Variants in EDAR observed in about 807,000 individuals in gnomAD.
EDAR encodes tumor necrosis factor receptor superfamily member EDAR.
EDAR carries 38 observed loss-of-function variants against 51.3 expected under a neutral mutation model. That is an observed-to-expected ratio of 0.74 (90% CI 0.57 to 0.97). The LOEUF (loss-of-function observed/expected upper bound fraction) is 0.97, where lower values mean the gene tolerates loss of function less well. EDAR is among the 50% of genes least tolerant of loss of function. The pLI is 0.00. For missense variants in EDAR, 528 were observed against 595.0 expected (o/e 0.89, Z 1.17); for synonymous variants, 227 against 242.1 (o/e 0.94, Z 0.58).
chr2:108,897,234 A>C lies in EDAR; in HGVS notation c.1025-5T>G, dbSNP rs1204357429. 6.2e-7 allele frequency: 1 copy of C among 1,613,330 alleles called. No individual in the cohort carries two copies. Among genetic ancestry groups the C allele is most frequent in the Admixed American group, 1.7e-5 (1 of 60,030 alleles). On this transcript the variant is annotated splice_region_variant and splice_polypyrimidine_tract_variant and intron_variant, in intron 11 of 11. Transcript: ENST00000258443. ...GCAGCTCCGTGGGGCTAAGACCTAC[A>C]GACACCAATGGCCACAGTTAGATGT...
chr2:108,901,503 A>G (rs764804800), intron 11 of EDAR, among the ~76,000 whole-genome samples: 2 of 152,232 alleles, frequency 1.3e-5, no homozygotes, highest in Non-Finnish European at 2.9e-5. Context: ...ATTGAAAACT[A>G]TAAAGTAAAA....
chr2:108,908,343 G>C (rs1051347064), intron 9 of EDAR, among the ~76,000 whole-genome samples: 28 of 152,202 alleles, frequency 1.8e-4, no homozygotes, highest in African/African-American at 6.5e-4. Flanking sequence ...TGGATGCTCC[G>C]TGAAGGTTCA....
intron 1 of EDAR, among the ~76,000 whole-genome samples, chr2:108,937,447 ATGTG>A (rs1697495940): frequency 6.6e-6 from 1 of 151,912 alleles, no homozygotes; most frequent in Admixed American, 6.6e-5. Context: ...ATATGTGAGG[ATGTG>A]TGTATGCATG....
chr2:108,911,122 G>GA, intron 6 of EDAR, 50 bp from the exon 7 acceptor site: 2 of 1,612,398 alleles, frequency 1.2e-6, no homozygotes, highest in Non-Finnish European at 1.7e-6. Flanking sequence ...GATCCCTGCT[G>GA]GTCTTCCCTC....
At chr2:108,977,951 C>T (rs1326292995) in intron 1 of EDAR, among the ~76,000 whole-genome samples, 1 of 152,246 alleles carries the variant, frequency 6.6e-6, no homozygotes, top group Non-Finnish European at 1.5e-5. Flanking sequence ...GATCTATGGA[C>T]TCTGTGGATG....
chr2:108,947,325 T>G (rs960958473), intron 1 of EDAR, among the ~76,000 whole-genome samples: 7 of 152,124 alleles, frequency 4.6e-5, no homozygotes, highest in Admixed American at 1.3e-4. Context: ...TGAGTGCCTG[T>G]GGATTTTCCA....
At chr2:108,962,793 C>A (rs1490887348) in intron 1 of EDAR, among the ~76,000 whole-genome samples, 3 of 152,038 alleles carry the variant, frequency 2.0e-5, no homozygotes, top group Non-Finnish European at 2.9e-5. Context: ...TCAAAACCAA[C>A]CGCAGTACCA....
At position 108,987,813 on chromosome 2, in the gene EDAR, A is replaced by C. The variant is rs1004602240; in HGVS notation, c.-19+1147T>G. On this transcript the variant is annotated intron_variant, in intron 1 of 11. Transcript: ENST00000258443. The stretch of plus-strand genomic sequence containing the variant: ...ACGCTTATTTCCAAGCCTTGACCAG[A>C]GTCACTCTCTTTTTGGTGGCCTCTG... Among the ~76,000 whole-genome samples, 13 of 152,296 alleles carry C rather than the reference A, an allele frequency of 8.5e-5. 1 individual carries two copies. The South Asian group carries it at 1.7e-3, about 19-fold the overall frequency.
chr2:108,897,952 C>G (rs1696631076), intron 11 of EDAR, among the ~76,000 whole-genome samples: 1 of 152,086 alleles, frequency 6.6e-6, no homozygotes, highest in Non-Finnish European at 1.5e-5. Context: ...GGTAAGTTCC[C>G]TGGGTTTTCT....
At chr2:108,940,348 G>A (rs1184910764) in intron 1 of EDAR, 1 of 152,432 alleles carries the variant, frequency 6.6e-6, no homozygotes, top group African/African-American at 2.4e-5. Context: ...GGTGCAGGGA[G>A]GGAGGACGTA....
At chr2:108,950,790 C>A (rs1016436185) in intron 1 of EDAR, among the ~76,000 whole-genome samples, 2 of 152,258 alleles carry the variant, frequency 1.3e-5, no homozygotes, top group African/African-American at 4.8e-5. Flanking sequence ...TTGGAATCAA[C>A]ACTGTTGGCA....
At chr2:108,949,774 T>C in intron 1 of EDAR, among the ~76,000 whole-genome samples, 1 of 151,958 alleles carries the variant, frequency 6.6e-6, no homozygotes, top group East Asian at 1.9e-4. Flanking sequence ...AGAGAAAGAG[T>C]GACTCAGTTA....
In EDAR at chr2:108,900,350, G is replaced by A. The variant is rs145291499; in HGVS notation, c.1025-3121C>T. 6.6e-5 allele frequency among the ~76,000 whole-genome samples: 10 copies of A among 152,326 alleles called. No homozygotes were observed. The East Asian group carries it at 1.3e-3, about 21-fold the overall frequency. The stretch of plus-strand genomic sequence containing the variant: ...GCAGATGGATTAGCTGAGGTCAGGA[G>A]TTCTAGACCAGCCTGGTCAACACGG... On this transcript the variant is annotated intron_variant, in intron 11 of 11. Coordinates refer to ENST00000258443, the MANE Select transcript of EDAR (RefSeq NM_022336.4).
intron 1 of EDAR, among the ~76,000 whole-genome samples, chr2:108,982,394 ACTGATGCCGTGGGAGGCATGCAGCCAGTC>A (rs1174519495): frequency 6.6e-6 from 1 of 152,226 alleles, no homozygotes; most frequent in African/African-American, 2.4e-5. Flanking sequence ...TCCTGCTTTA[ACTGATGCCGTGGGAGGCATGCAGCCAGTC>A]CTTTAAGAAC....
intron 11 of EDAR, among the ~76,000 whole-genome samples, chr2:108,903,194 A>C (rs1416885215): frequency 1.3e-5 from 2 of 152,198 alleles, no homozygotes; most frequent in Admixed American, 1.3e-4. Context: ...TATGCACAGA[A>C]CTTGTATTTC....
At chr2:108,941,480 T>C (rs995390550) in intron 1 of EDAR, among the ~76,000 whole-genome samples, 1 of 152,114 alleles carries the variant, frequency 6.6e-6, no homozygotes, top group Non-Finnish European at 1.5e-5. Context: ...CCCTGAGCTG[T>C]TCCCTTTGAG....
intron 11 of EDAR, among the ~76,000 whole-genome samples, chr2:108,901,652 T>G (rs1338406221): frequency 1.3e-5 from 2 of 152,164 alleles, no homozygotes; most frequent in Non-Finnish European, 2.9e-5. Context: ...AAACAGATAA[T>G]AAGATAAAAC....
chr2:108,971,973 C>T (rs1020103237), intron 1 of EDAR, among the ~76,000 whole-genome samples: 4 of 152,174 alleles, frequency 2.6e-5, no homozygotes, highest in Non-Finnish European at 5.9e-5. Flanking sequence ...GGGGAGCTCC[C>T]GTGGCCCGGA....
At chr2:108,913,843 G>A (rs899002970) in intron 5 of EDAR, among the ~76,000 whole-genome samples, 6 of 151,046 alleles carry the variant, frequency 4.0e-5, no homozygotes, top group African/African-American at 9.7e-5. Context: ...CCAGCTACTC[G>A]GGAGGCTGAG....
Sources: allele counts gnomAD v4.1 joint callset (sites outside exome capture counted in the v4.1 genomes callset), GRCh38; gene constraint gnomAD v4.1.1; transcripts MANE v1.5; gene names NCBI Gene and HGNC (gene_info 2026-07-23, HGNC 2026-07-21).